GABRB1: variants seen among roughly 807,000 people sequenced by gnomAD.
GABRB1 encodes gamma-aminobutyric acid type A receptor subunit beta1.
GABRB1 carries 17 observed loss-of-function variants against 51.6 expected under a neutral mutation model. The observed-to-expected ratio is 0.33, with a 90% confidence interval of 0.23 to 0.49. The LOEUF is 0.49. Among genes scored for constraint, GABRB1 ranks in the 20% least tolerant of loss-of-function variants. The pLI is 0.99. For missense variants in GABRB1, 410 were observed against 600.6 expected (o/e 0.68, Z 3.32); for synonymous variants, 247 against 218.9 (o/e 1.13, Z -1.14).
At chr4:47,134,874 T>G (rs577165663) in intron 3 of GABRB1, among the ~76,000 whole-genome samples, 93 of 152,288 alleles carry the variant, frequency 6.1e-4, no homozygotes, top group African/African-American at 2.1e-3. Flanking sequence ...CCCAGCACTT[T>G]GGGAGGCTGA....
chr4:47,338,241 G>A (rs911817027), intron 5 of GABRB1, among the ~76,000 whole-genome samples: 15 of 152,210 alleles, frequency 9.9e-5, no homozygotes, highest in Admixed American at 3.9e-4. Context: ...ACTCTTCCTG[G>A]CTGTATTTAT....
At chr4:47,415,385 T>C (rs75908325) in intron 8 of GABRB1, among the ~76,000 whole-genome samples, 15,889 of 152,136 alleles carry the variant, frequency 0.1, 892 homozygotes, top group Middle Eastern at 0.15. Flanking sequence ...CCTTCCCTCA[T>C]GGTGGTCCCA....
intron 4 of GABRB1, among the ~76,000 whole-genome samples, chr4:47,163,027 A>C (rs550624584): frequency 6.6e-6 from 1 of 152,018 alleles, no homozygotes; most frequent in South Asian, 2.1e-4. Flanking sequence ...CCTAAATGTT[A>C]TCAATATCCT....
At chr4:47,101,433 C>T (rs1452545869) in intron 3 of GABRB1, among the ~76,000 whole-genome samples, 1 of 151,960 alleles carries the variant, frequency 6.6e-6, no homozygotes, top group African/African-American at 2.4e-5. Context: ...TAGAAGTTGA[C>T]ATTAATTTAT....
chr4:47,173,737 C>T (rs1031890248), intron 4 of GABRB1, among the ~76,000 whole-genome samples: 2 of 152,100 alleles, frequency 1.3e-5, no homozygotes, highest in Non-Finnish European at 2.9e-5. Flanking sequence ...TTCTTGTGCC[C>T]CTGTTCTCTC....
At chr4:47,369,459 A>G (rs545423419) in intron 5 of GABRB1, among the ~76,000 whole-genome samples, 7 of 147,300 alleles carry the variant, frequency 4.8e-5, no homozygotes, top group Admixed American at 2.0e-4. Flanking sequence ...ACACACACAC[A>G]CACTCATTTC....
intron 5 of GABRB1, among the ~76,000 whole-genome samples, chr4:47,396,159 C>A (rs1283161925): frequency 3.3e-5 from 5 of 152,178 alleles, no homozygotes; most frequent in Non-Finnish European, 5.9e-5. Context: ...GCCTCACAAC[C>A]ATGGCAGAAG....
At chr4:47,172,827 A>G (rs1371531814) in intron 4 of GABRB1, among the ~76,000 whole-genome samples, 1 of 151,750 alleles carries the variant, frequency 6.6e-6, no homozygotes, top group Non-Finnish European at 1.5e-5. Context: ...TTTTTAGTAG[A>G]GACGGAGTTT....
intron 1 of GABRB1, among the ~76,000 whole-genome samples, chr4:47,001,003 T>C (rs533644472): frequency 6.6e-6 from 1 of 152,336 alleles, no homozygotes; most frequent in South Asian, 2.1e-4. Flanking sequence ...ATATTTTTCA[T>C]ATGCCTGAAA....
intron 4 of GABRB1, among the ~76,000 whole-genome samples, chr4:47,206,822 CAATAT>C (rs542470910): frequency 8.0e-4 from 121 of 151,076 alleles, no homozygotes; most frequent in South Asian, 2.1e-3. Flanking sequence ...CTAATAAATA[CAATAT>C]ATTAAAAGTT....
chr4:47,067,837 G>A (rs1234620916), intron 3 of GABRB1, among the ~76,000 whole-genome samples: 1 of 151,900 alleles, frequency 6.6e-6, no homozygotes, highest in Non-Finnish European at 1.5e-5. Flanking sequence ...TAGGTACTAA[G>A]CCCAGCATCC....
intron 8 of GABRB1, among the ~76,000 whole-genome samples, chr4:47,415,263 G>A (rs1412817908): frequency 1.3e-5 from 2 of 152,148 alleles, no homozygotes; most frequent in African/African-American, 2.4e-5. Context: ...ACTGAAAGGT[G>A]GAAGCACAGT....
chr4:47,064,874 T>C (rs1254479438), intron 3 of GABRB1, among the ~76,000 whole-genome samples: 2 of 152,202 alleles, frequency 1.3e-5, no homozygotes, highest in African/African-American at 4.8e-5. Flanking sequence ...GGATGCATTA[T>C]TTCTACAAAT....
chr4:47,184,588 T>C (rs1461228012), intron 4 of GABRB1, among the ~76,000 whole-genome samples: 1 of 151,970 alleles, frequency 6.6e-6, no homozygotes, highest in East Asian at 1.9e-4. Context: ...TGCAAGTTAA[T>C]TGATTTCCTG....
At chr4:47,370,444 G>A (rs1413020237) in intron 5 of GABRB1, among the ~76,000 whole-genome samples, 2 of 149,666 alleles carry the variant, frequency 1.3e-5, no homozygotes, top group African/African-American at 4.9e-5. Context: ...CTGAGATCGC[G>A]CCACTGCATT....
chr4:47,107,770 G>A (rs537177386), intron 3 of GABRB1, among the ~76,000 whole-genome samples: 37 of 151,940 alleles, frequency 2.4e-4, no homozygotes, highest in Admixed American at 7.9e-4. Flanking sequence ...CAAAACAAAA[G>A]TTGCTCTTTA....
chr4:47,339,817 A>C (rs887500085), intron 5 of GABRB1, among the ~76,000 whole-genome samples: 3 of 130,108 alleles, frequency 2.3e-5, no homozygotes, highest in Non-Finnish European at 4.7e-5. Flanking sequence ...GCAAAAATAA[A>C]TAAATGCACA....
chr4:47,167,880 G>A (rs1248382359), intron 4 of GABRB1, among the ~76,000 whole-genome samples: 1 of 152,124 alleles, frequency 6.6e-6, no homozygotes, highest in Non-Finnish European at 1.5e-5. Flanking sequence ...TCAGCCTCCA[G>A]AACTGGGAGC....
chr4:47,290,782 G>A (rs575422130), intron 4 of GABRB1, among the ~76,000 whole-genome samples: 60 of 152,246 alleles, frequency 3.9e-4, no homozygotes, highest in African/African-American at 1.3e-3. Context: ...GTGAACTCCA[G>A]CAAAATGATT....
Sources: allele counts gnomAD v4.1 joint callset (sites outside exome capture counted in the v4.1 genomes callset), GRCh38; gene constraint gnomAD v4.1.1; transcripts MANE v1.5; gene names NCBI Gene and HGNC (gene_info 2026-07-23, HGNC 2026-07-21).